Variants in NXPE2 observed in about 807,000 individuals in gnomAD.
The protein encoded by NXPE2 is neurexophilin and PC-esterase domain family member 2.
NXPE2 carries 34 observed loss-of-function variants against 34.4 expected under a neutral mutation model. The ratio of observed to expected loss-of-function variants is 0.99; its 90% CI spans 0.75 to 1.31. The LOEUF (loss-of-function observed/expected upper bound fraction) is 1.31. NXPE2 is among the 40% of genes most tolerant of loss of function. NXPE2 has a pLI of 0.00. For missense variants in NXPE2, 649 were observed against 672.5 expected (o/e 0.97, Z 0.39); for synonymous variants, 235 against 231.3 (o/e 1.02, Z -0.15).
At chr11:114,634,301 G>T in the NXPE2 span, among the ~76,000 whole-genome samples, 6 of 152,018 alleles carry the variant, frequency 3.9e-5, no homozygotes, top group Admixed American at 1.3e-4. Context: ...CCCACTTTTT[G>T]ATAGAGTTGT....
At chr11:114,808,371 C>A in the NXPE2 span, among the ~76,000 whole-genome samples, 9 of 150,744 alleles carry the variant, frequency 6.0e-5, no homozygotes, top group African/African-American at 2.2e-4. Context: ...AATAGAGACA[C>A]AAAAAACCCT....
chr11:114,708,374 A>T (rs1032474641), downstream of NXPE2, among the ~76,000 whole-genome samples: 7 of 152,260 alleles, frequency 4.6e-5, no homozygotes, highest in African/African-American at 1.7e-4. Context: ...GCCTCAAATG[A>T]CAAATTTTGT....
At chr11:114,741,354 C>A in the NXPE2 span, among the ~76,000 whole-genome samples, 3 of 152,106 alleles carry the variant, frequency 2.0e-5, no homozygotes, top group African/African-American at 4.8e-5. Context: ...ACCTGTATGT[C>A]CATATCCTCT....
At chr11:114,803,355 C>T in the NXPE2 span, among the ~76,000 whole-genome samples, 1 of 152,214 alleles carries the variant, frequency 6.6e-6, no homozygotes, top group Non-Finnish European at 1.5e-5. Flanking sequence ...TTAAGATGCA[C>T]ACTTCAGTCG....
chr11:114,474,997 A>T, the NXPE2 span, among the ~76,000 whole-genome samples: 3 of 152,148 alleles, frequency 2.0e-5, no homozygotes, highest in Non-Finnish European at 4.4e-5. Flanking sequence ...AAATAGTAAA[A>T]CTAATATTTA....
the NXPE2 span, among the ~76,000 whole-genome samples, chr11:114,502,127 A>G: frequency 2.0e-5 from 3 of 152,186 alleles, no homozygotes; most frequent in African/African-American, 7.2e-5. Context: ...ACTGTGACAC[A>G]TACAAGTGTC....
the NXPE2 span, among the ~76,000 whole-genome samples, chr11:114,740,230 A>G: frequency 6.6e-6 from 1 of 152,150 alleles, no homozygotes; most frequent in Admixed American, 6.5e-5. Context: ...TTACTCATCT[A>G]TTTTTAGACC....
At chr11:114,753,379 C>G in the NXPE2 span, among the ~76,000 whole-genome samples, 3 of 146,438 alleles carry the variant, frequency 2.0e-5, no homozygotes, top group Non-Finnish European at 4.6e-5. Flanking sequence ...GGCGACAGAG[C>G]AAGACCCTGT....
the NXPE2 span, chr11:114,530,740 T>G: frequency 6.2e-7 from 1 of 1,614,118 alleles, no homozygotes; most frequent in Non-Finnish European, 8.5e-7. Flanking sequence ...TTCACATGGG[T>G]GAAAGGTCTG....
chr11:114,601,808 T>TATAATTATATAAC, the NXPE2 span, among the ~76,000 whole-genome samples: 1 of 74,190 alleles, frequency 1.3e-5, no homozygotes, highest in African/African-American at 5.4e-5. Flanking sequence ...GATTATATAT[T>TATAATTATATAAC]ATATAATTAT....
chr11:114,572,559 A>G, the NXPE2 span, among the ~76,000 whole-genome samples: 923 of 152,330 alleles, frequency 6.1e-3, 10 homozygotes, highest in South Asian at 0.012. Flanking sequence ...ACACTTAGAG[A>G]AATGCAAAAT....
the NXPE2 span, among the ~76,000 whole-genome samples, chr11:114,745,456 A>G: frequency 2.0e-5 from 3 of 152,236 alleles, no homozygotes; most frequent in Non-Finnish European, 2.9e-5. Flanking sequence ...GTATCAAGCC[A>G]TTAATGAAGA....
chr11:114,749,610 T>G, the NXPE2 span, among the ~76,000 whole-genome samples: 24 of 152,202 alleles, frequency 1.6e-4, no homozygotes, highest in Non-Finnish European at 1.3e-4. Flanking sequence ...TCTGGTATTC[T>G]CCCTTTTCAT....
the NXPE2 span, among the ~76,000 whole-genome samples, chr11:114,466,388 T>C: frequency 1.3e-5 from 2 of 152,234 alleles, no homozygotes; most frequent in Non-Finnish European, 2.9e-5. Flanking sequence ...TGTGTTTATA[T>C]GTATTGTTTA....
At chr11:114,589,290 C>T in the NXPE2 span, among the ~76,000 whole-genome samples, 1 of 152,196 alleles carries the variant, frequency 6.6e-6, no homozygotes, top group African/African-American at 2.4e-5. Flanking sequence ...GCTCCAGTGG[C>T]TCAAATTCCC....
At chr11:114,632,671 T>C in the NXPE2 span, among the ~76,000 whole-genome samples, 1 of 58,586 alleles carries the variant, frequency 1.7e-5, no homozygotes, top group Non-Finnish European at 2.7e-5. Context: ...ATATAGTATA[T>C]ATATTTATAT....
At chr11:114,666,653 T>G in the NXPE2 span, among the ~76,000 whole-genome samples, 1 of 152,290 alleles carries the variant, frequency 6.6e-6, no homozygotes, top group East Asian at 1.9e-4. Context: ...TTTGGTTTTT[T>G]TATCTGAAAT....
At chr11:114,795,751 G>C in the NXPE2 span, among the ~76,000 whole-genome samples, 1 of 152,214 alleles carries the variant, frequency 6.6e-6, no homozygotes, top group Admixed American at 6.5e-5. Flanking sequence ...ACCTGTGCAT[G>C]TCTTACATTC....
the NXPE2 span, among the ~76,000 whole-genome samples, chr11:114,549,517 A>G: frequency 6.6e-6 from 1 of 152,050 alleles, no homozygotes; most frequent in Non-Finnish European, 1.5e-5. Context: ...TAAAAGCACA[A>G]TAGGACTTTG....
Sources: allele counts gnomAD v4.1 joint callset (sites outside exome capture counted in the v4.1 genomes callset), GRCh38; gene constraint gnomAD v4.1.1; transcripts MANE v1.5; gene names NCBI Gene and HGNC (gene_info 2026-07-23, HGNC 2026-07-21).